Variants in TRANK1 observed in about 807,000 individuals in gnomAD.
TRANK1 encodes tetratricopeptide repeat and ankyrin repeat containing 1.
In TRANK1, 198 loss-of-function variants were observed where a neutral mutation model predicts 266.0. The ratio of observed to expected loss-of-function variants is 0.74; its 90% CI spans 0.66 to 0.84. The LOEUF is 0.84. Among genes scored for constraint, TRANK1 ranks in the 40% least tolerant of loss-of-function variants. TRANK1 has a pLI of 0.00. For missense variants in TRANK1, 3,326 were observed against 3,634.6 expected, an observed-to-expected ratio of 0.92 and a Z score of 2.18; for synonymous variants, 1,396 against 1,384.1, an observed-to-expected ratio of 1.01 and a Z score of -0.19.
intron 4 of TRANK1, among the ~76,000 whole-genome samples, chr3:36,896,452 C>T (rs4508725): frequency 0.32 from 48,811 of 152,060 alleles, 8,667 homozygotes; most frequent in East Asian, 0.57. Flanking sequence ...TATGAAATGA[C>T]ACAAAGTTTC....
intron 15 of TRANK1, chr3:36,850,577 T>C (rs1255075905): frequency 1.2e-6 from 1 of 846,940 alleles, no homozygotes; most frequent in East Asian, 1.2e-4. Context: ...GAGACCAGCC[T>C]GGGCAACACA....
At chr3:36,834,945 C>A in intron 20 of TRANK1, 38 bp from the exon 21 acceptor site, 1 of 1,541,932 alleles carries the variant, frequency 6.5e-7, no homozygotes, top group Non-Finnish European at 8.8e-7. Flanking sequence ...TTAGAGTACT[C>A]ATGATTAACT....
intron 3 of TRANK1, among the ~76,000 whole-genome samples, chr3:36,899,528 C>T (rs1421253655): frequency 6.6e-6 from 1 of 152,118 alleles, no homozygotes; most frequent in Non-Finnish European, 1.5e-5. Flanking sequence ...TATAGTGGCA[C>T]ATACCTTGTA....
chr3:36,881,845 C>T (rs1284609559), intron 8 of TRANK1, among the ~76,000 whole-genome samples: 6 of 152,172 alleles, frequency 3.9e-5, no homozygotes, highest in Admixed American at 2.0e-4. Flanking sequence ...CGGAATCACA[C>T]AACACATGGT....
At chr3:36,914,288 C>T (rs1406325860) in intron 1 of TRANK1, among the ~76,000 whole-genome samples, 1 of 151,914 alleles carries the variant, frequency 6.6e-6, no homozygotes, top group Non-Finnish European at 1.5e-5. Flanking sequence ...CGCACGCCAC[C>T]ATGCCAGGCT....
intron 2 of TRANK1, 35 bp from the exon 3 acceptor site, chr3:36,903,310 G>A (rs747301474): frequency 1.3e-6 from 2 of 1,527,768 alleles, no homozygotes; most frequent in Middle Eastern, 1.7e-4. Flanking sequence ...TCATGGTTCT[G>A]CAAATACAGA....
At chr3:36,892,133 A>C (rs1043325455) in intron 7 of TRANK1, 69 bp downstream of exon 7, 3 of 1,475,672 alleles carry the variant, frequency 2.0e-6, no homozygotes, top group Non-Finnish European at 2.7e-6. Flanking sequence ...GTTTCACTTG[A>C]GCTCAACAGA....
At chr3:36,942,952 G>A (rs368416013) in intron 1 of TRANK1, among the ~76,000 whole-genome samples, 2 of 151,936 alleles carry the variant, frequency 1.3e-5, no homozygotes, top group Admixed American at 6.5e-5. Context: ...AGGCAGAAGC[G>A]GGTGGATCAC....
At chr3:36,915,324 A>G (rs2080109914) in intron 1 of TRANK1, among the ~76,000 whole-genome samples, 1 of 152,236 alleles carries the variant, frequency 6.6e-6, no homozygotes, top group Admixed American at 6.5e-5. Flanking sequence ...CATATAATGT[A>G]TAAGTGATCA....
intron 5 of TRANK1, among the ~76,000 whole-genome samples, chr3:36,894,203 C>A (rs898163645): frequency 6.6e-6 from 1 of 152,186 alleles, no homozygotes; most frequent in Admixed American, 6.5e-5. Flanking sequence ...TTAGGAGTTG[C>A]CTGTCTCCCA....
intron 21 of TRANK1, 48 bp from the exon 22 acceptor site, chr3:36,833,967 T>C (rs1165530303): frequency 2.6e-6 from 4 of 1,526,956 alleles, no homozygotes; most frequent in South Asian, 2.6e-5. Flanking sequence ...ACCCAATCAA[T>C]AGAAAATTTC....
rs560311014 is a variant in TRANK1, at chr3:36,860,626, CACACCTGATGTTTCCCATACAAAAGAGA to C, written c.1495+252_1495+279del. On this transcript the variant is annotated intron_variant, in intron 11 of 23. Transcript: ENST00000645898. ...CTAAACCAGAGCCAAGGACCCTTCA[CACACCTGATGTTTCCCATACAAAAGAGA>C]ACACCTGATGTTTCCCATACAAAAG... 8.0e-3 allele frequency among the ~76,000 whole-genome samples: 1,221 copies of C among 152,294 alleles called. 16 individuals are homozygous for C. Among genetic ancestry groups the C allele is most frequent in the Middle Eastern group, 0.027 (8 of 294 alleles).
chr3:36,930,390 T>C (rs2080345268), intron 1 of TRANK1, among the ~76,000 whole-genome samples: 1 of 152,084 alleles, frequency 6.6e-6, no homozygotes, highest in Non-Finnish European at 1.5e-5. Context: ...TTGCAGACTT[T>C]CCCGGTAGGA....
chr3:36,899,928 G>A (rs1575286059), intron 3 of TRANK1, among the ~76,000 whole-genome samples: 1 of 152,172 alleles, frequency 6.6e-6, no homozygotes. Context: ...GCATGATCCT[G>A]GCTCACTGCT....
chr3:36,847,385 C>T, intron 15 of TRANK1, 39 bp from the exon 16 acceptor site: 1 of 1,608,022 alleles, frequency 6.2e-7, no homozygotes, highest in Non-Finnish European at 8.5e-7. Flanking sequence ...ACAGAATATG[C>T]TTTTGAACTA....
chr3:36,830,054 A>G (rs2078673840), intron 22 of TRANK1, among the ~76,000 whole-genome samples: 1 of 152,158 alleles, frequency 6.6e-6, no homozygotes, highest in South Asian at 2.1e-4. Flanking sequence ...AAGCCAAGGA[A>G]CTATAATCCC....
intron 20 of TRANK1, among the ~76,000 whole-genome samples, chr3:36,835,432 G>T (rs927008912): frequency 1.3e-5 from 2 of 151,806 alleles, no homozygotes; most frequent in African/African-American, 4.8e-5. Flanking sequence ...ACACACAGAG[G>T]TAAGCCCCAG....
chr3:36,915,173 A>G (rs1306070504), intron 1 of TRANK1, among the ~76,000 whole-genome samples: 3 of 151,804 alleles, frequency 2.0e-5, no homozygotes, highest in South Asian at 2.1e-4. Flanking sequence ...GGATGGTCTA[A>G]ATCTCCTGAC....
At position 36,908,394 on chromosome 3, in the gene TRANK1, A is replaced by T. The variant is rs1317238687; in HGVS notation, c.84T>A (p.Asn28Lys). The T allele has an allele frequency of 8.1e-7, 1 of 1,232,098 alleles. No individual in the cohort carries two copies. 76.3% of individuals were successfully genotyped at this position (1,232,098 alleles called of 1,614,324 possible). A position where few individuals can be genotyped will look rare whatever the true frequency, so the allele number is the denominator to read the frequency against. The part of the protein sequence containing the change: ...LKESGNQVLK[N>K]GNFSLAIRKY... Reference sequence around the variant, plus strand: ...TTCTGATGGCCAAAGAGAAGTTCCCATTCTTAAGAACCTGGTTGCCGGATT... The same window carrying T: ...TTCTGATGGCCAAAGAGAAGTTCCCTTTCTTAAGAACCTGGTTGCCGGATT... Residue 28 changes from asparagine (N) to lysine (K), a missense_variant, in exon 2 of 24, where the codon AAT (asparagine) becomes AAA (lysine). By Grantham distance (94) the Asn-to-Lys change is moderately conservative (BLOSUM62 0). Transcript: ENST00000645898.
Sources: gnomAD v4.1 joint callset for allele counts (sites outside exome capture counted in the v4.1 genomes callset) on GRCh38, gnomAD v4.1.1 for gene constraint, MANE v1.5 for transcripts, NCBI Gene and HGNC (gene_info 2026-07-23, HGNC 2026-07-21) for gene names.